The following ATF1 variants were observed in gnomAD, a reference collection of about 807,000 sequenced individuals.
ATF1 encodes activating transcription factor 1, also known as cyclic AMP-dependent transcription factor ATF-1.
ATF1 carries 16 observed loss-of-function variants against 34.7 expected under a neutral mutation model. The observed-to-expected ratio is 0.46, with a 90% CI of 0.31 to 0.70. The LOEUF (loss-of-function observed/expected upper bound fraction) is 0.70, where lower values mean the gene tolerates loss of function less well. Ranked by LOEUF, ATF1 falls within the 30% of genes least tolerant of loss-of-function variation. The pLI is 0.05. For synonymous variants in ATF1, 105 were observed against 113.1 expected, an observed-to-expected ratio of 0.93 and a Z score of 0.46; for missense variants, 255 against 321.6, an observed-to-expected ratio of 0.79 and a Z score of 1.58.
At chr12:50,815,012 C>G (rs539135294) in intron 6 of ATF1, among the ~76,000 whole-genome samples, 1 of 152,054 alleles carries the variant, frequency 6.6e-6, no homozygotes, top group African/African-American at 2.4e-5. Flanking sequence ...GTCCCAGCTA[C>G]CCGGGAGGCT....
At chr12:50,800,920 C>A (rs1364939768) in intron 3 of ATF1, among the ~76,000 whole-genome samples, 2 of 152,110 alleles carry the variant, frequency 1.3e-5, no homozygotes, top group Non-Finnish European at 1.5e-5. Flanking sequence ...ACCAACATAG[C>A]AAAACCCCGT....
At chr12:50,814,778 TTACTA>T (rs1941807999) in intron 6 of ATF1, among the ~76,000 whole-genome samples, 1 of 152,276 alleles carries the variant, frequency 6.6e-6, no homozygotes, top group Admixed American at 6.5e-5. Flanking sequence ...GTTTATGAAT[TTACTA>T]TACTTTTAAT....
intron 1 of ATF1, among the ~76,000 whole-genome samples, chr12:50,776,966 G>A (rs1940940956): frequency 1.3e-5 from 2 of 152,028 alleles, no homozygotes; most frequent in Admixed American, 6.6e-5. Context: ...GGGTTCAAGC[G>A]ATTCTCCTGC....
intron 1 of ATF1, among the ~76,000 whole-genome samples, chr12:50,776,207 G>A (rs569684435): frequency 6.6e-6 from 1 of 151,620 alleles, no homozygotes; most frequent in East Asian, 1.9e-4. Context: ...AGCTACTCAG[G>A]AGGCTGAGGC....
rs546249429 is a variant in ATF1, at chr12:50,814,242, C to T, written c.512-38C>T. The T allele has an allele frequency of 9.2e-5, 149 of 1,613,422 alleles. 2 individuals are homozygous for T. The South Asian group carries it at 1.5e-3, about 17-fold the overall frequency. ...AAGTCTCCTAACACTGTCAGAGACA[C>T]TTACTAACTAACTCATTCACTCTTG... On this transcript the variant is annotated intron_variant, in intron 5 of 6. Transcript: ENST00000262053.
chr12:50,780,099 G>A, intron 1 of ATF1, 41 bp from the exon 2 acceptor site: 2 of 1,430,024 alleles, frequency 1.4e-6, no homozygotes, highest in Non-Finnish European at 2.0e-6. Context: ...TAAACATTCT[G>A]TATCATATTT....
upstream of ATF1, chr12:50,763,936 G>A (rs1398720462): frequency 6.6e-6 from 1 of 152,294 alleles, no homozygotes; most frequent in Non-Finnish European, 1.5e-5. Flanking sequence ...TCAGGACCGC[G>A]TACAAGATGG....
chr12:50,797,510 AC>A (rs1941431150), intron 3 of ATF1, among the ~76,000 whole-genome samples: 1 of 152,146 alleles, frequency 6.6e-6, no homozygotes, highest in Non-Finnish European at 1.5e-5. Context: ...CGGAGGTCTC[AC>A]CCTGTTGCCT....
intron 3 of ATF1, among the ~76,000 whole-genome samples, chr12:50,807,675 A>C (rs1391861525): frequency 2.6e-5 from 4 of 152,018 alleles, no homozygotes; most frequent in Non-Finnish European, 5.9e-5. Flanking sequence ...TGTTGTTTTC[A>C]CGTAAGTATT....
At chr12:50,815,284 T>C (rs1281011726) in intron 6 of ATF1, among the ~76,000 whole-genome samples, 1 of 144,938 alleles carries the variant, frequency 6.9e-6, no homozygotes, top group East Asian at 2.0e-4. Flanking sequence ...GACAATGATA[T>C]TGATGATCCT....
At chr12:50,767,874 T>A (rs1376813867) in intron 1 of ATF1, among the ~76,000 whole-genome samples, 1 of 151,546 alleles carries the variant, frequency 6.6e-6, no homozygotes, top group Admixed American at 6.6e-5. Context: ...TTTTGCACTT[T>A]CTTTTTTTTT....
chr12:50,810,170 A>G (rs10876096), intron 4 of ATF1, among the ~76,000 whole-genome samples: 35,420 of 149,826 alleles, frequency 0.24, 4,907 homozygotes, highest in East Asian at 0.41. Context: ...AGTTCCGTAC[A>G]TAATTGCTGT....
intron 4 of ATF1, among the ~76,000 whole-genome samples, chr12:50,812,668 T>G (rs149975654): frequency 6.6e-6 from 1 of 151,932 alleles, no homozygotes; most frequent in East Asian, 1.9e-4. Flanking sequence ...TATAAAAAAT[T>G]TAAAAATTAG....
chr12:50,788,110 G>A (rs953097846), intron 2 of ATF1: 2 of 406,592 alleles, frequency 4.9e-6, no homozygotes, highest in Non-Finnish European at 9.7e-6. Context: ...ATCAGAATGA[G>A]TGATGGTCAG....
chr12:50,798,956 A>C (rs1941463709), intron 3 of ATF1, among the ~76,000 whole-genome samples: 1 of 152,248 alleles, frequency 6.6e-6, no homozygotes, highest in African/African-American at 2.4e-5. Flanking sequence ...TAGACTGGCC[A>C]CTACCTGGTG....
Position 50,819,916 on chromosome 12 carries a change from C to T in ATF1, c.*137C>T, listed in dbSNP as rs1446836398. ...AAATCAAGGATAAATATCTTACGCACGATATCTAGTGACAGAGGAGAAAGT... is the reference window on the plus strand; with the variant it reads ...AAATCAAGGATAAATATCTTACGCATGATATCTAGTGACAGAGGAGAAAGT... On this transcript the variant is annotated 3_prime_UTR_variant, in exon 7 of 7. Coordinates refer to ENST00000262053, the MANE Select transcript of ATF1 (RefSeq NM_005171.5). 7 of 713,370 alleles carry T rather than the reference C, an allele frequency of 9.8e-6. No individual in the cohort carries two copies. The highest frequency in any genetic ancestry group is 4.8e-5 in the South Asian group (2 of 41,346). The allele number at this position is 713,370 out of a possible 1,614,324, so 44.2% of individuals were successfully genotyped here. A position where few individuals can be genotyped will look rare whatever the true frequency, so the allele number is the denominator to read the frequency against.
In ATF1 at chr12:50,809,555, A is replaced by C; in HGVS notation, c.294A>C (p.Pro98=). Residue 98 remains proline (P), a synonymous_variant, in exon 4 of 7, where the codon CCA becomes CCC. Transcript: ENST00000262053. ...VSAAVTSMSV[P]TPIYQTSSGQ... ...CTGCTGTCACTTCTATGTCTGTTCC[A>C]ACTCCCATCTATCAGACTAGCAGCG... 1.9e-6 allele frequency: 3 copies of C among 1,613,816 alleles called. No homozygotes were observed.
intron 3 of ATF1, 128 bp from the exon 4 acceptor site, chr12:50,809,328 G>A (rs1941682347): frequency 1.3e-6 from 1 of 781,982 alleles, no homozygotes; most frequent in East Asian, 2.9e-5. Context: ...GAGCCATGAT[G>A]GCGCCACTGT....
At chr12:50,774,644 A>G (rs1940865372) in intron 1 of ATF1, among the ~76,000 whole-genome samples, 1 of 152,222 alleles carries the variant, frequency 6.6e-6, no homozygotes, top group South Asian at 2.1e-4. Flanking sequence ...AAGTGAACAA[A>G]TAAAGGTTAC....
Sources: allele counts gnomAD v4.1 joint callset (sites outside exome capture counted in the v4.1 genomes callset), GRCh38; gene constraint gnomAD v4.1.1; transcripts MANE v1.5; gene names NCBI Gene and HGNC (gene_info 2026-07-23, HGNC 2026-07-21).